CLVS1: variants seen among roughly 807,000 people sequenced by gnomAD.
CLVS1 encodes the protein clavesin 1.
Under a neutral mutation model 33.1 loss-of-function variants are expected in CLVS1, and 10 were observed. The ratio of observed to expected loss-of-function variants is 0.30; its 90% CI spans 0.19 to 0.51. The LOEUF is 0.51. Ranked by LOEUF, CLVS1 falls within the 20% of genes least tolerant of loss-of-function variation. The pLI is 0.97. For synonymous variants in CLVS1, 163 were observed against 166.1 expected (o/e 0.98, Z 0.14); for missense variants, 343 against 433.4 (o/e 0.79, Z 1.85).
At chr8:61,420,598 T>C (rs1374048156) in intron 3 of CLVS1, among the ~76,000 whole-genome samples, 1 of 143,316 alleles carries the variant, frequency 7.0e-6, no homozygotes, top group African/African-American at 2.6e-5. Context: ...CGAGATTCCA[T>C]CTCAAAAATA....
the CLVS1 span, among the ~76,000 whole-genome samples, chr8:60,989,635 A>G: frequency 6.6e-6 from 1 of 152,200 alleles, no homozygotes; most frequent in African/African-American, 2.4e-5. Flanking sequence ...TTCAATGTCC[A>G]CTATCCCACT....
intron 2 of CLVS1, among the ~76,000 whole-genome samples, chr8:61,149,564 A>AC (rs1447815117): frequency 2.7e-5 from 4 of 149,816 alleles, no homozygotes; most frequent in South Asian, 4.2e-4. Context: ...AAAAAAAAAA[A>AC]AAAACAAAAA....
At chr8:61,271,265 G>GT (rs1563471354) in intron 2 of CLVS1, among the ~76,000 whole-genome samples, 1 of 150,540 alleles carries the variant, frequency 6.6e-6, no homozygotes, top group Non-Finnish European at 1.5e-5. Flanking sequence ...CCTTCATTTC[G>GT]TTATGTACCC....
chr8:61,422,148 T>C (rs1815703079), intron 3 of CLVS1, among the ~76,000 whole-genome samples: 2 of 152,028 alleles, frequency 1.3e-5, no homozygotes, highest in Admixed American at 1.3e-4. Context: ...CCCTCAAAAG[T>C]AGAGTGGATT....
Position 61,259,814 on chromosome 8 carries a change from T to C in CLVS1, c.-151-39863T>C, listed in dbSNP as rs981132584. On this transcript the variant is annotated intron_variant, in intron 2 of 2. Coordinates refer to the CLVS1 transcript ENST00000522621. Reference sequence around the variant, plus strand: ...CAGACGCGGAGCAGGATATTGGCGGTGTGGCAGGCTGCCTCAGCTGCAGCT... The same window carrying C: ...CAGACGCGGAGCAGGATATTGGCGGCGTGGCAGGCTGCCTCAGCTGCAGCT... 5.4e-4 allele frequency among the ~76,000 whole-genome samples: 83 copies of C among 152,304 alleles called. 1 individual carries two copies. The highest frequency in any genetic ancestry group is 3.1e-3 in the Admixed American group (48 of 15,296).
chr8:61,420,631 GA>G (rs1166667027), intron 3 of CLVS1, among the ~76,000 whole-genome samples: 1 of 151,116 alleles, frequency 6.6e-6, no homozygotes, highest in African/African-American at 2.4e-5. Context: ...ATTATTTTAG[GA>G]ATGATGTCTA....
At chr8:61,387,874 G>T (rs1397122939) in intron 3 of CLVS1, among the ~76,000 whole-genome samples, 1 of 152,102 alleles carries the variant, frequency 6.6e-6, no homozygotes, top group Non-Finnish European at 1.5e-5. Context: ...TCCACTTGTT[G>T]ATTGAAGGAC....
the CLVS1 span, among the ~76,000 whole-genome samples, chr8:61,030,352 G>A: frequency 2.6e-5 from 4 of 152,150 alleles, no homozygotes; most frequent in Non-Finnish European, 5.9e-5. Flanking sequence ...ATCCTAAAAT[G>A]TTTGAAAAAC....
At position 61,479,412 on chromosome 8, in the gene CLVS1, G is replaced by A. The variant is rs538691072; in HGVS notation, c.978-20043G>A. On this transcript the variant is annotated intron_variant, in intron 5 of 5. Transcript: ENST00000325897. Reference sequence around the variant, plus strand: ...CTTGTGCATTCATCACATAGTTCTCGTGCCTTGGTTTTCAGCTCCATCAGG... The same window carrying A: ...CTTGTGCATTCATCACATAGTTCTCATGCCTTGGTTTTCAGCTCCATCAGG... Among the ~76,000 whole-genome samples, 63 of 152,080 alleles carry A rather than the reference G, an allele frequency of 4.1e-4. 1 individual carries two copies. Among genetic ancestry groups the A allele is most frequent in the Non-Finnish European group, 7.2e-4 (49 of 68,002 alleles).
chr8:61,141,045 A>G (rs1346583152), intron 2 of CLVS1, among the ~76,000 whole-genome samples: 2 of 152,194 alleles, frequency 1.3e-5, no homozygotes. Context: ...TCTGCCTTTT[A>G]CTAATTTTAT....
chr8:61,235,970 A>C (rs1808548480), intron 2 of CLVS1, among the ~76,000 whole-genome samples: 1 of 152,226 alleles, frequency 6.6e-6, no homozygotes, highest in Non-Finnish European at 1.5e-5. Flanking sequence ...GTCAGGTTTC[A>C]GACCCATGAA....
At chr8:61,278,610 A>G (rs150600587) in intron 2 of CLVS1, among the ~76,000 whole-genome samples, 3 of 152,364 alleles carry the variant, frequency 2.0e-5, no homozygotes, top group Non-Finnish European at 2.9e-5. Flanking sequence ...GTGTTAGTGA[A>G]TGTCATCAGG....
rs1485992384 is a variant in CLVS1, at chr8:61,299,869, C to T, written c.42C>T (p.Asn14=). 6.2e-7 allele frequency: 1 copy of T among 1,613,238 alleles called. No homozygotes were observed. The change falls in exon 2 of 6, where the codon AAC becomes AAT. Residue 14 remains asparagine (N), a synonymous_variant. Transcript: ENST00000325897. ...TTCTTCCAAAATATCAGAAGTTAAA[C>T]ACTTGGAACGGAGATTTGGCCAAGA... ...VSLLPKYQKL[N]TWNGDLAKMT...
intron 2 of CLVS1, among the ~76,000 whole-genome samples, chr8:61,225,732 G>A (rs1226881153): frequency 1.3e-5 from 2 of 152,238 alleles, no homozygotes; most frequent in Non-Finnish European, 2.9e-5. Flanking sequence ...AAGCCAGCAT[G>A]TGTATTTCAG....
chr8:61,021,812 T>C, the CLVS1 span, among the ~76,000 whole-genome samples: 1 of 152,196 alleles, frequency 6.6e-6, no homozygotes, highest in Non-Finnish European at 1.5e-5. Flanking sequence ...GAGTTATGAA[T>C]AACCCTGTCA....
At chr8:61,139,169 G>A (rs1266179735) in intron 2 of CLVS1, among the ~76,000 whole-genome samples, 1 of 152,170 alleles carries the variant, frequency 6.6e-6, no homozygotes, top group Non-Finnish European at 1.5e-5. Context: ...GCAGTGAGGG[G>A]CTCATCGCCT....
At chr8:61,474,785 G>A (rs143464003) in intron 5 of CLVS1, among the ~76,000 whole-genome samples, 171 of 152,036 alleles carry the variant, frequency 1.1e-3, no homozygotes, top group African/African-American at 3.8e-3. Flanking sequence ...TCCCAGTGAA[G>A]CAGGGCAAGT....
chr8:61,136,221 C>T (rs1236152187), intron 2 of CLVS1, among the ~76,000 whole-genome samples: 1 of 152,210 alleles, frequency 6.6e-6, no homozygotes, highest in African/African-American at 2.4e-5. Context: ...ATATTGGATG[C>T]ACGTGGAATT....
intron 2 of CLVS1, among the ~76,000 whole-genome samples, chr8:61,356,232 A>G (rs1812699507): frequency 6.6e-6 from 1 of 152,032 alleles, no homozygotes. Context: ...GTGTCTGTTC[A>G]TATCCTTCAC....
Sources: allele counts gnomAD v4.1 joint callset (sites outside exome capture counted in the v4.1 genomes callset), GRCh38; gene constraint gnomAD v4.1.1; transcripts MANE v1.5; gene names NCBI Gene and HGNC (gene_info 2026-07-23, HGNC 2026-07-21).